ORC3: variants seen among roughly 807,000 people sequenced by gnomAD.
The protein encoded by ORC3 is homolog of latheo, Drosophila.
Under a neutral mutation model 100.7 loss-of-function variants are expected in ORC3, and 78 were observed. The observed-to-expected ratio is 0.77, with a 90% CI of 0.65 to 0.94. The LOEUF is 0.94. Ranked by LOEUF, ORC3 falls within the 40% of genes least tolerant of loss-of-function variation. The pLI, the probability that ORC3 is intolerant of heterozygous loss-of-function variation, is 0.00. For missense variants in ORC3, 789 were observed against 823.9 expected, an observed-to-expected ratio of 0.96 and a Z score of 0.52; for synonymous variants, 295 against 289.3, an observed-to-expected ratio of 1.02 and a Z score of -0.20.
chr6:87,629,497 CT>C (rs1780155719), intron 11 of ORC3, among the ~76,000 whole-genome samples: 1 of 151,850 alleles, frequency 6.6e-6, no homozygotes, highest in Non-Finnish European at 1.5e-5. Context: ...TTGACTTCTC[CT>C]CCAGAGAAAG....
Position 87,615,924 on chromosome 6 carries a change from C to T in ORC3, c.874-390C>T, listed in dbSNP as rs112144130. On this transcript the variant is annotated intron_variant, in intron 8 of 19. Coordinates refer to ENST00000392844, the MANE Select transcript of ORC3 (RefSeq NM_012381.4). The stretch of plus-strand genomic sequence containing the variant: ...ATTCAACAATACATAATATATTACT[C>T]TTCATTAATTTGAATCAGTAGTAAT... Among the ~76,000 whole-genome samples the T allele has an allele frequency of 4.3e-3, 657 of 152,000 alleles. 3 individuals are homozygous for T. Among genetic ancestry groups the T allele is most frequent in the African/African-American group, 0.015 (631 of 41,456 alleles).
At chr6:87,647,125 A>G (rs1321525719) in intron 13 of ORC3, among the ~76,000 whole-genome samples, 1 of 152,222 alleles carries the variant, frequency 6.6e-6, no homozygotes, top group Admixed American at 6.5e-5. Context: ...TTCTCAAAGT[A>G]GCAGTCAGAA....
Position 87,621,453 on chromosome 6 carries a change from T to A in ORC3, c.1087T>A (p.Cys363Ser). ...AATAAATTTTTTATCAAATAATCAATGTGAAAACATCCGACGTCTACCATC... is the reference window on the plus strand; with the variant it reads ...AATAAATTTTTTATCAAATAATCAAAGTGAAAACATCCGACGTCTACCATC... ...RRINFLSNNQ[C>S]ENIRRLPSFR... is the part of the protein sequence containing the mutation. The change falls in exon 10 of 20, where the codon TGT becomes AGT. Residue 363 changes from cysteine (C) to serine (S), a missense_variant. Physicochemically the swap from Cys to Ser is moderately radical, Grantham distance 112. Transcript: ENST00000392844. 2 of 1,602,698 alleles carry A rather than the reference T, an allele frequency of 1.2e-6. No homozygotes were observed. The highest frequency in any genetic ancestry group is 1.7e-6 in the Non-Finnish European group (2 of 1,175,086).
chr6:87,626,282 G>A (rs928303595), intron 11 of ORC3, among the ~76,000 whole-genome samples: 2 of 152,136 alleles, frequency 1.3e-5, no homozygotes, highest in Non-Finnish European at 2.9e-5. Flanking sequence ...TGAGCAGTAT[G>A]GCCATTTTCA....
chr6:87,604,038 A>C (rs905502666), intron 4 of ORC3, among the ~76,000 whole-genome samples: 1 of 152,214 alleles, frequency 6.6e-6, no homozygotes, highest in African/African-American at 2.4e-5. Context: ...ATTGCTTTCA[A>C]ATTGCAGGTT....
At chr6:87,659,314 G>A (rs28381527) in intron 16 of ORC3, among the ~76,000 whole-genome samples, 10,361 of 151,578 alleles carry the variant, frequency 0.068, 373 homozygotes, top group East Asian at 0.094. Context: ...CACCCACCTC[G>A]GCTTCCCAAA....
At chr6:87,629,032 G>C (rs1322206020) in intron 11 of ORC3, among the ~76,000 whole-genome samples, 1 of 152,082 alleles carries the variant, frequency 6.6e-6, no homozygotes, top group African/African-American at 2.4e-5. Context: ...GAGAACAAAA[G>C]GTAGAGACAG....
At chr6:87,669,076 A>G (rs543832123), downstream of ORC3, among the ~76,000 whole-genome samples, 1 of 152,340 alleles carries the variant, frequency 6.6e-6, no homozygotes, top group South Asian at 2.1e-4. Context: ...AGAATCGCTT[A>G]AACCCAGAAG....
In ORC3 at chr6:87,609,136, C is replaced by T. The variant is rs550694781; in HGVS notation, c.620C>T (p.Ser207Phe). 3 of 1,607,460 alleles carry T rather than the reference C, an allele frequency of 1.9e-6. No homozygotes were observed. The African/African-American group carries it at 4.0e-5, about 22-fold the overall frequency. The change falls in exon 7 of 20, where the codon TCT becomes TTT. Residue 207 changes from serine (S) to phenylalanine (F), a missense_variant. Physicochemically the swap from Ser to Phe is radical, Grantham distance 155 (BLOSUM62 -2). Coordinates refer to ENST00000392844, the MANE Select transcript of ORC3 (RefSeq NM_012381.4). ...PKMLSKKRTT[S>F]SQWQSPPVVV... ...ATGCTAAGCAAAAAAAGGACTACTT[C>T]TAGCCAATGGCAGTCTCCTCCTGTT...
chr6:87,658,690 A>G (rs1473055625), intron 16 of ORC3, among the ~76,000 whole-genome samples: 1 of 152,178 alleles, frequency 6.6e-6, no homozygotes, highest in Non-Finnish European at 1.5e-5. Context: ...GATCTGAGCC[A>G]AGCCCAGAAA....
At chr6:87,592,058 CTCTT>C (rs1238520016) in intron 1 of ORC3, among the ~76,000 whole-genome samples, 1 of 152,158 alleles carries the variant, frequency 6.6e-6, no homozygotes, top group East Asian at 1.9e-4. Context: ...ATTTTAGTGT[CTCTT>C]TCATCGTGAA....
intron 19 of ORC3, among the ~76,000 whole-genome samples, chr6:87,666,129 T>G (rs746743471): frequency 1.3e-4 from 20 of 152,176 alleles, no homozygotes; most frequent in Non-Finnish European, 2.4e-4. Context: ...TTTTTGTTTT[T>G]TTTGTTTGTT....
chr6:87,649,045 A>G (rs1470343781), intron 13 of ORC3, among the ~76,000 whole-genome samples: 2 of 152,190 alleles, frequency 1.3e-5, no homozygotes, highest in East Asian at 3.8e-4. Flanking sequence ...TCAGGCTTAA[A>G]TATCTTTCTT....
intron 11 of ORC3, among the ~76,000 whole-genome samples, chr6:87,625,023 C>T (rs1206249921): frequency 6.6e-6 from 1 of 152,218 alleles, no homozygotes; most frequent in Non-Finnish European, 1.5e-5. Flanking sequence ...AGGACATGAA[C>T]TCATCCTTTT....
intron 13 of ORC3, among the ~76,000 whole-genome samples, chr6:87,642,164 T>G (rs1361864036): frequency 6.6e-6 from 1 of 152,114 alleles, no homozygotes; most frequent in Non-Finnish European, 1.5e-5. Flanking sequence ...AGCGTGGTGG[T>G]GCATGCCTAT....
At chr6:87,652,616 A>G (rs984319260) in intron 13 of ORC3, among the ~76,000 whole-genome samples, 4 of 152,218 alleles carry the variant, frequency 2.6e-5, no homozygotes, top group African/African-American at 9.6e-5. Flanking sequence ...ACAAGTTTAC[A>G]TTTAGCACGT....
intron 2 of ORC3, 133 bp downstream of exon 2, chr6:87,594,540 AG>A: frequency 3.7e-6 from 5 of 1,358,866 alleles, no homozygotes; most frequent in Non-Finnish European, 4.8e-6. Flanking sequence ...TTATGTTCCA[AG>A]GCATTGGTCA....
chr6:87,623,889 A>C (rs543421801), intron 11 of ORC3, among the ~76,000 whole-genome samples: 56 of 152,274 alleles, frequency 3.7e-4, no homozygotes, highest in South Asian at 1.0e-3. Context: ...GTCTTTAAAA[A>C]AAAACAAAAC....
At chr6:87,675,691 CT>C in the ORC3 span, 2 of 1,566,440 alleles carry the variant, frequency 1.3e-6, no homozygotes, top group East Asian at 4.6e-5. Context: ...AATTTTGCCC[CT>C]AGGTATTTAA....
Sources: gnomAD v4.1 joint callset for allele counts (sites outside exome capture counted in the v4.1 genomes callset) on GRCh38, gnomAD v4.1.1 for gene constraint, MANE v1.5 for transcripts, NCBI Gene and HGNC (gene_info 2026-07-23, HGNC 2026-07-21) for gene names.